Variants in TSHZ2 observed in about 807,000 individuals in gnomAD.
TSHZ2 encodes teashirt zinc finger homeobox 2, also known as teashirt homolog 2.
TSHZ2 carries 21 observed loss-of-function variants against 74.4 expected under a neutral mutation model. The ratio of observed to expected loss-of-function variants is 0.28; its 90% CI spans 0.20 to 0.41. The LOEUF (loss-of-function observed/expected upper bound fraction) is 0.41, where lower values mean the gene tolerates loss of function less well. Among genes scored for constraint, TSHZ2 ranks in the 10% least tolerant of loss-of-function variants. TSHZ2 has a pLI of 1.00. For missense variants in TSHZ2, 1,244 were observed against 1,293.5 expected (o/e 0.96, Z 0.59); for synonymous variants, 540 against 515.3 (o/e 1.05, Z -0.65).
At chr20:53,173,932 G>A (rs1988262301) in intron 1 of TSHZ2, among the ~76,000 whole-genome samples, 1 of 152,106 alleles carries the variant, frequency 6.6e-6, no homozygotes, top group South Asian at 2.1e-4. Flanking sequence ...CAAAGTCCAT[G>A]TGATACTTTT....
At chr20:53,038,270 T>C (rs1229779534) in intron 1 of TSHZ2, among the ~76,000 whole-genome samples, 1 of 142,756 alleles carries the variant, frequency 7.0e-6, no homozygotes, top group East Asian at 2.1e-4. Flanking sequence ...ACTTGAAACC[T>C]GCTTGATCCT....
chr20:53,318,393 G>A (rs1979112377), intron 2 of TSHZ2, among the ~76,000 whole-genome samples: 1 of 152,190 alleles, frequency 6.6e-6, no homozygotes, highest in African/African-American at 2.4e-5. Flanking sequence ...CATTCAGAAT[G>A]CACCAGAGCT....
At chr20:53,231,841 C>A (rs939678087) in intron 1 of TSHZ2, among the ~76,000 whole-genome samples, 2 of 152,136 alleles carry the variant, frequency 1.3e-5, no homozygotes, top group Non-Finnish European at 2.9e-5. Context: ...GTTTTTAACT[C>A]ATTTGCAGTG....
intron 1 of TSHZ2, among the ~76,000 whole-genome samples, chr20:53,161,345 G>A (rs1303594547): frequency 4.6e-5 from 7 of 152,156 alleles, no homozygotes; most frequent in East Asian, 3.9e-4. Flanking sequence ...TGAACATGAC[G>A]GGGAGCACTC....
At chr20:53,260,384 AT>A (rs1196078844) in intron 2 of TSHZ2, among the ~76,000 whole-genome samples, 1 of 152,226 alleles carries the variant, frequency 6.6e-6, no homozygotes, top group Non-Finnish European at 1.5e-5. Context: ...TCACTCATTC[AT>A]TATGACATAT....
At chr20:52,976,638 C>T (rs1981350244) in intron 1 of TSHZ2, among the ~76,000 whole-genome samples, 1 of 152,186 alleles carries the variant, frequency 6.6e-6, no homozygotes, top group Non-Finnish European at 1.5e-5. Flanking sequence ...TAGAATCTAA[C>T]TCTTGATTTT....
rs540421529 is a variant in TSHZ2 at position 53,383,523 on chromosome 20, G to A, written c.*9-103621G>A. Among the ~76,000 whole-genome samples, 38 of 152,190 alleles carry A rather than the reference G, an allele frequency of 2.5e-4. No individual in the cohort carries two copies. The South Asian group carries it at 7.9e-3, about 32-fold the overall frequency. ...GCCTGTAATCTCAGCACTTTGGGAG[G>A]CTGAGGAGGGTGGATCACTTGAGGC... On this transcript the variant is annotated intron_variant, in intron 2 of 2. Coordinates refer to ENST00000371497, the MANE Select transcript of TSHZ2 (RefSeq NM_173485.6).
chr20:53,237,916 G>A (rs1189177849), intron 1 of TSHZ2, among the ~76,000 whole-genome samples: 2 of 152,104 alleles, frequency 1.3e-5, no homozygotes, highest in Non-Finnish European at 2.9e-5. Flanking sequence ...AAGTCATTGG[G>A]GGATGATATG....
intron 1 of TSHZ2, among the ~76,000 whole-genome samples, chr20:53,039,595 A>G (rs1268402244): frequency 6.6e-6 from 1 of 152,202 alleles, no homozygotes; most frequent in Non-Finnish European, 1.5e-5. Context: ...GTTGGTCAAC[A>G]TGGTGAAACT....
rs1048982280 is a variant in TSHZ2 at position 53,473,315 on chromosome 20, C to T, written c.*9-13829C>T. 7.6e-4 allele frequency among the ~76,000 whole-genome samples: 109 copies of T among 143,312 alleles called. 1 individual carries two copies. Among genetic ancestry groups the T allele is most frequent in the African/African-American group, 2.5e-3 (95 of 37,598 alleles). The allele number at this position is 143,312 out of a possible 152,430, so 94.0% of individuals were successfully genotyped here. ...CAGCACGCAGCTGGAGATCTGAGAA[C>T]GGGCAGACTGCCTCCTCAAGTGGGT... is the stretch of plus-strand genomic sequence containing the variant. On this transcript the variant is annotated intron_variant, in intron 2 of 2. Transcript: ENST00000371497.
rs549415974 is a variant in TSHZ2, at chr20:53,180,256, A to G, written c.41-73243A>G. 3.6e-3 allele frequency among the ~76,000 whole-genome samples: 544 copies of G among 152,316 alleles called. 4 individuals carry two copies. The highest frequency in any genetic ancestry group is 5.4e-3 in the Non-Finnish European group (368 of 68,030). On this transcript the variant is annotated intron_variant, in intron 1 of 2. Transcript: ENST00000371497. The stretch of plus-strand genomic sequence containing the variant: ...GCAGCAGAAAGAGCACATTACCAAA[A>G]TCCATCTTTCATTACATTTTTGCAT...
At chr20:53,460,301 T>C (rs1175642645) in intron 2 of TSHZ2, among the ~76,000 whole-genome samples, 3 of 152,204 alleles carry the variant, frequency 2.0e-5, no homozygotes, top group Admixed American at 6.5e-5. Flanking sequence ...CTTCATTTCA[T>C]CTTCCATCGC....
chr20:53,343,097 G>C (rs190937058), intron 2 of TSHZ2, among the ~76,000 whole-genome samples: 1 of 150,532 alleles, frequency 6.6e-6, no homozygotes, highest in African/African-American at 2.4e-5. Context: ...CTCCCAAGTA[G>C]CTGGGATTAC....
In TSHZ2 at chr20:53,345,675, G is replaced by GC. The variant is rs1040321142; in HGVS notation, c.*8+89111dup. On this transcript the variant is annotated intron_variant, in intron 2 of 2. Transcript: ENST00000371497. The stretch of plus-strand genomic sequence containing the variant: ...TTTGTAAATCTGATCCCGCCTGCCC[G>GC]CCCCCCCATTCTGTTGATTATATCT... Among the ~76,000 whole-genome samples, 15 of 104,470 alleles carry GC rather than the reference G, an allele frequency of 1.4e-4. No homozygotes were observed. The East Asian group carries it at 1.7e-3, about 12-fold the overall frequency. The allele number at this position is 104,470 out of a possible 152,430, so 68.5% of individuals were successfully genotyped here. A position where few individuals can be genotyped will look rare whatever the true frequency, so the allele number is the denominator to read the frequency against.
intron 1 of TSHZ2, among the ~76,000 whole-genome samples, chr20:53,084,710 T>TCTCCTTCC (rs1985644656): frequency 1.1e-5 from 1 of 92,422 alleles, no homozygotes; most frequent in South Asian, 4.4e-4. Flanking sequence ...TCTCTCCCTC[T>TCTCCTTCC]CTCCTTCCCT....
chr20:53,158,031 T>C (rs146222166), intron 1 of TSHZ2, among the ~76,000 whole-genome samples: 2 of 152,256 alleles, frequency 1.3e-5, no homozygotes, highest in African/African-American at 4.8e-5. Flanking sequence ...TTGGGTGGAT[T>C]AGTCAAGGAA....
intron 1 of TSHZ2, among the ~76,000 whole-genome samples, chr20:53,050,103 G>GTATATATATATATATATATATA (rs71897861): frequency 2.5e-3 from 289 of 115,746 alleles, no homozygotes; most frequent in African/African-American, 7.5e-3. Context: ...GTATATGTGT[G>GTATATATATATATATATATATA]TATATATATA....
intron 1 of TSHZ2, among the ~76,000 whole-genome samples, chr20:53,201,785 T>G (rs989504011): frequency 6.6e-6 from 1 of 152,112 alleles, no homozygotes; most frequent in Non-Finnish European, 1.5e-5. Context: ...CTATGCATTG[T>G]TAAATGTTTG....
At chr20:53,240,373 T>C (rs575519292) in intron 1 of TSHZ2, among the ~76,000 whole-genome samples, 42 of 152,148 alleles carry the variant, frequency 2.8e-4, no homozygotes, top group Admixed American at 2.7e-3. Flanking sequence ...GTGTCTCCTA[T>C]GATGTACCCT....
Sources: allele counts gnomAD v4.1 joint callset (sites outside exome capture counted in the v4.1 genomes callset), GRCh38; gene constraint gnomAD v4.1.1; transcripts MANE v1.5; gene names NCBI Gene and HGNC (gene_info 2026-07-23, HGNC 2026-07-21).